ZNF385D: variants seen among roughly 807,000 people sequenced by gnomAD.
ZNF385D encodes zinc finger protein 385D, also known as zinc finger protein 659.
ZNF385D carries 15 observed loss-of-function variants against 35.8 expected under a neutral mutation model. The ratio of observed to expected loss-of-function variants is 0.42; its 90% CI spans 0.28 to 0.64. The LOEUF (loss-of-function observed/expected upper bound fraction) is 0.64. Ranked by LOEUF, ZNF385D falls within the 30% of genes least tolerant of loss-of-function variation. The pLI is 0.23. For synonymous variants in ZNF385D, 212 were observed against 186.8 expected (o/e 1.13, Z -1.10); for missense variants, 474 against 494.6 (o/e 0.96, Z 0.39).
At chr3:22,180,002 G>T (rs1014738878) in intron 2 of ZNF385D, among the ~76,000 whole-genome samples, 2 of 152,244 alleles carry the variant, frequency 1.3e-5, no homozygotes, top group East Asian at 1.9e-4. Context: ...CCAGGAGCTG[G>T]TTTTTTGAAA....
intron 3 of ZNF385D, among the ~76,000 whole-genome samples, chr3:22,042,442 AG>A (rs1002532468): frequency 6.6e-6 from 1 of 152,018 alleles, no homozygotes; most frequent in African/African-American, 2.4e-5. Context: ...TAAAAAAAAA[AG>A]TTTTTCCTTT....
At position 22,234,270 on chromosome 3, in the gene ZNF385D, G is replaced by C. The variant is rs187928285; in HGVS notation, c.107-65235C>G. Among the ~76,000 whole-genome samples, 17 of 152,020 alleles carry C rather than the reference G, an allele frequency of 1.1e-4. No individual in the cohort carries two copies. The East Asian group carries it at 3.1e-3, about 28-fold the overall frequency. ...TTCATCTCCTCAATGTATTTTATTA[G>C]CTGCCATCAGATTGTCTTAAATGCA... On this transcript the variant is annotated intron_variant, in intron 2 of 5. Transcript: ENST00000494108.
rs916739226 is a variant in ZNF385D at position 22,239,533 on chromosome 3, A to G, written c.107-70498T>C. Among the ~76,000 whole-genome samples the G allele has an allele frequency of 2.3e-4, 34 of 147,904 alleles. 3 individuals are homozygous for G. The highest frequency in any genetic ancestry group is 8.5e-4 in the African/African-American group (32 of 37,832). ...CCACATATACAAAATACATATAATC[A>G]TATTTTAAGTCTTTAAATGATTTAT... On this transcript the variant is annotated intron_variant, in intron 2 of 5. Transcript: ENST00000494108.
chr3:21,498,880 T>C (rs968871078), intron 4 of ZNF385D, among the ~76,000 whole-genome samples: 1 of 139,594 alleles, frequency 7.2e-6, no homozygotes, highest in Non-Finnish European at 1.5e-5. Context: ...GAGGTAGAGG[T>C]TGCAGTGAGC....
chr3:21,838,820 G>A (rs1257097746), intron 3 of ZNF385D, among the ~76,000 whole-genome samples: 10 of 152,106 alleles, frequency 6.6e-5, no homozygotes, highest in East Asian at 1.9e-4. Flanking sequence ...TTTAATAGGT[G>A]TCTTGATTTC....
intron 2 of ZNF385D, among the ~76,000 whole-genome samples, chr3:21,654,318 G>A (rs916972472): frequency 1.7e-4 from 26 of 152,060 alleles, no homozygotes; most frequent in African/African-American, 6.0e-4. Context: ...TGGAATAAGA[G>A]GTTATACTTC....
chr3:21,985,682 A>C (rs1012286900), intron 3 of ZNF385D, among the ~76,000 whole-genome samples: 12 of 142,304 alleles, frequency 8.4e-5, no homozygotes, highest in Admixed American at 2.8e-4. Flanking sequence ...CTGGCCTCAT[A>C]AAATGAGTTA....
chr3:21,537,828 C>T (rs888377243), intron 3 of ZNF385D, among the ~76,000 whole-genome samples: 2 of 151,944 alleles, frequency 1.3e-5, no homozygotes, highest in African/African-American at 4.8e-5. Context: ...AAATGCAGCA[C>T]CATTAGAAGA....
chr3:21,522,859 T>A (rs969832248), intron 3 of ZNF385D, among the ~76,000 whole-genome samples: 1 of 152,124 alleles, frequency 6.6e-6, no homozygotes, highest in Admixed American at 6.5e-5. Flanking sequence ...CAGGTATAGG[T>A]GAGTTGTGTC....
At chr3:22,089,717 C>T (rs935950929) in intron 3 of ZNF385D, among the ~76,000 whole-genome samples, 1 of 152,154 alleles carries the variant, frequency 6.6e-6, no homozygotes, top group Non-Finnish European at 1.5e-5. Flanking sequence ...TTTGAGCATG[C>T]TATCTCAGCC....
Position 22,270,775 on chromosome 3 carries a change from C to T in ZNF385D, c.106+101675G>A, listed in dbSNP as rs75045664. 4.7e-3 allele frequency among the ~76,000 whole-genome samples: 714 copies of T among 151,984 alleles called. 2 individuals carry two copies. Among genetic ancestry groups the T allele is most frequent in the African/African-American group, 0.016 (678 of 41,492 alleles). On this transcript the variant is annotated intron_variant, in intron 2 of 5. Coordinates refer to the ZNF385D transcript ENST00000494108. ...GAATAAGTCGTAGTGAATCTTACCC[C>T]GACTTTATTTTAAACATATGTAGCT...
At chr3:21,929,154 T>C (rs908826618) in intron 3 of ZNF385D, among the ~76,000 whole-genome samples, 1 of 152,156 alleles carries the variant, frequency 6.6e-6, no homozygotes. Flanking sequence ...AGTGTTGGAA[T>C]GCAAGGTTGG....
chr3:21,890,095 G>A (rs779315385), intron 3 of ZNF385D, among the ~76,000 whole-genome samples: 60 of 152,200 alleles, frequency 3.9e-4, no homozygotes, highest in Non-Finnish European at 6.5e-4. Context: ...GCTGTACTGT[G>A]GATTTGGCTT....
At chr3:21,684,962 A>G (rs911387106) in intron 1 of ZNF385D, among the ~76,000 whole-genome samples, 1 of 152,194 alleles carries the variant, frequency 6.6e-6, no homozygotes, top group African/African-American at 2.4e-5. Context: ...GGAAAATTCT[A>G]ATTTTTAAGC....
upstream of ZNF385D, among the ~76,000 whole-genome samples, chr3:21,755,164 G>T (rs186869274): frequency 6.6e-6 from 1 of 152,116 alleles, no homozygotes; most frequent in Non-Finnish European, 1.5e-5. Flanking sequence ...CCATTGCCTC[G>T]CCCTTGGCTT....
At chr3:22,010,835 G>A (rs1696526366) in intron 3 of ZNF385D, among the ~76,000 whole-genome samples, 1 of 152,072 alleles carries the variant, frequency 6.6e-6, no homozygotes, top group African/African-American at 2.4e-5. Flanking sequence ...ATTTTGAACA[G>A]GGAAATTAAT....
At chr3:22,092,228 G>C (rs1347842358) in intron 3 of ZNF385D, among the ~76,000 whole-genome samples, 1 of 152,126 alleles carries the variant, frequency 6.6e-6, no homozygotes, top group Non-Finnish European at 1.5e-5. Flanking sequence ...TTCTTTGCCA[G>C]TCAGGATAAT....
chr3:21,777,332 G>T (rs1226152913), intron 3 of ZNF385D, among the ~76,000 whole-genome samples: 2 of 151,992 alleles, frequency 1.3e-5, no homozygotes, highest in East Asian at 1.9e-4. Flanking sequence ...CTGCATAAAA[G>T]CCTTTCCTCT....
chr3:22,344,179 T>G (rs911649054), intron 2 of ZNF385D, among the ~76,000 whole-genome samples: 13 of 145,806 alleles, frequency 8.9e-5, no homozygotes, highest in Non-Finnish European at 1.5e-4. Context: ...TGGGGTGGGG[T>G]GTGTGTGTGT....
Sources: gnomAD v4.1 joint callset for allele counts (sites outside exome capture counted in the v4.1 genomes callset) on GRCh38, gnomAD v4.1.1 for gene constraint, MANE v1.5 for transcripts, NCBI Gene and HGNC (gene_info 2026-07-23, HGNC 2026-07-21) for gene names.